The following CLMN variants were observed in gnomAD, a reference collection of about 807,000 sequenced individuals.
CLMN encodes the protein calmin, also known as calmin (calponin-like, transmembrane).
A neutral mutation model predicts 92.7 loss-of-function variants in CLMN; 57 were observed. The observed-to-expected ratio is 0.61, with a 90% CI of 0.50 to 0.77. The LOEUF (loss-of-function observed/expected upper bound fraction) is 0.77. Ranked by LOEUF, CLMN falls within the 30% of genes least tolerant of loss-of-function variation. The pLI, the probability that CLMN is intolerant of heterozygous loss-of-function variation, is 0.00. For synonymous variants in CLMN, 466 were observed against 470.6 expected, an observed-to-expected ratio of 0.99 and a Z score of 0.13; for missense variants, 1,158 against 1,237.5, an observed-to-expected ratio of 0.94 and a Z score of 0.96.
In CLMN at chr14:95,190,936, G is replaced by C. The variant is rs1896545337; in HGVS notation, c.*628C>G. 1 of 152,354 alleles carries C rather than the reference G, an allele frequency of 6.6e-6. No individual in the cohort carries two copies. Among genetic ancestry groups the C allele is most frequent in the Admixed American group, 6.5e-5 (1 of 15,304 alleles). 9.4% of individuals were successfully genotyped at this position (152,354 alleles called of 1,614,324 possible). ...ACAACAAAAAAAACAGGGTGAAAAA[G>C]AGCACACAGTGGCTCTCAACACAGC... On this transcript the variant is annotated 3_prime_UTR_variant, in exon 13 of 13. Transcript: ENST00000298912.
rs557333162 is a variant in CLMN at position 95,194,282 on chromosome 14, C to A, written c.2769+254G>T. 7.1e-7 allele frequency: 1 copy of A among 1,405,758 alleles called. No homozygotes were observed. Among genetic ancestry groups the A allele is most frequent in the African/African-American group, 1.4e-5 (1 of 69,202 alleles). The allele number at this position is 1,405,758 out of a possible 1,614,324, so 87.1% of individuals were successfully genotyped here. A position where few individuals can be genotyped will look rare whatever the true frequency, so the allele number is the denominator to read the frequency against. ...GGGTGCGCGCGGGGTCCAGGTGAGG[C>A]GTTTTGGGTGCGTTTTTATAGCAAG... On this transcript the variant is annotated intron_variant, in intron 11 of 12. Transcript: ENST00000298912. The surrounding 1 kb of genome is among the most constrained non-coding windows in gnomAD (Gnocchi z 4.0).
intron 1 of CLMN, among the ~76,000 whole-genome samples, chr14:95,314,506 G>C (rs990098795): frequency 2.6e-5 from 4 of 152,056 alleles, no homozygotes; most frequent in Non-Finnish European, 5.9e-5. Flanking sequence ...ACCTTCCCAG[G>C]GGTGGATTTG....
chr14:95,247,521 T>C (rs1382251532), intron 1 of CLMN, among the ~76,000 whole-genome samples: 1 of 152,240 alleles, frequency 6.6e-6, no homozygotes, highest in Non-Finnish European at 1.5e-5. Flanking sequence ...TTGGGCTTCC[T>C]CTTTGCTCTG....
intron 1 of CLMN, among the ~76,000 whole-genome samples, chr14:95,245,224 ATT>A (rs1491259438): frequency 2.8e-4 from 8 of 28,334 alleles, no homozygotes; most frequent in African/African-American, 8.0e-4. Context: ...ATATATATAT[ATT>A]ATATATATAT....
At chr14:95,211,402 C>T (rs549315458) in intron 6 of CLMN, among the ~76,000 whole-genome samples, 1 of 152,150 alleles carries the variant, frequency 6.6e-6, no homozygotes, top group Non-Finnish European at 1.5e-5. Context: ...ACCTAATATA[C>T]AACGTTGGGA....
At chr14:95,247,427 G>A (rs1299368914) in intron 1 of CLMN, among the ~76,000 whole-genome samples, 4 of 152,206 alleles carry the variant, frequency 2.6e-5, no homozygotes, top group Admixed American at 6.5e-5. Flanking sequence ...GTGCTGTGCC[G>A]CATGGTGCCA....
At chr14:95,249,837 C>T (rs1442752509) in intron 1 of CLMN, among the ~76,000 whole-genome samples, 1 of 152,136 alleles carries the variant, frequency 6.6e-6, no homozygotes, top group Non-Finnish European at 1.5e-5. Context: ...TCATGATCTG[C>T]CCACTCAGAA....
At chr14:95,303,691 T>C (rs1366016470) in intron 1 of CLMN, among the ~76,000 whole-genome samples, 1 of 152,156 alleles carries the variant, frequency 6.6e-6, no homozygotes, top group East Asian at 1.9e-4. Context: ...GGAATGAACA[T>C]AGCCAGCAGG....
At chr14:95,199,898 A>G (rs1896828402) in intron 9 of CLMN, among the ~76,000 whole-genome samples, 1 of 150,850 alleles carries the variant, frequency 6.6e-6, no homozygotes, top group South Asian at 2.1e-4. Context: ...AGGGAGACAA[A>G]GAGGGGTGGG....
intron 1 of CLMN, among the ~76,000 whole-genome samples, chr14:95,252,053 T>G (rs1186958562): frequency 6.6e-6 from 1 of 152,204 alleles, no homozygotes; most frequent in African/African-American, 2.4e-5. Flanking sequence ...CTTCCAGTCC[T>G]GCTGGGTCTG....
rs1896418115 is a variant in CLMN, at chr14:95,185,379, A to T, written c.*6185T>A. ...AGAGCCATAGCAATTTTCAGCACAG[A>T]AGCACAATAATGCCCACTCCAGCTC... is the stretch of plus-strand genomic sequence containing the variant. On this transcript the variant is annotated 3_prime_UTR_variant, in exon 13 of 13. Coordinates refer to ENST00000298912, the MANE Select transcript of CLMN (RefSeq NM_024734.4). 6.6e-6 allele frequency: 1 copy of T among 152,276 alleles called. No individual in the cohort carries two copies. Among genetic ancestry groups the T allele is most frequent in the South Asian group, 2.1e-4 (1 of 4,826 alleles). The allele number at this position is 152,276 out of a possible 1,614,324, so 9.4% of individuals were successfully genotyped here.
In CLMN at chr14:95,220,668, C is replaced by A. The variant is rs72710121; in HGVS notation, c.324+1023G>T. On this transcript the variant is annotated intron_variant, in intron 4 of 12. Coordinates refer to ENST00000298912, the MANE Select transcript of CLMN (RefSeq NM_024734.4). ...GGGGACTATTGGGAAGCAGAGCCTA[C>A]CCCTGTTCAGACAGTGAAAGTGCTT... is the stretch of plus-strand genomic sequence containing the variant. 5.6e-3 allele frequency among the ~76,000 whole-genome samples: 852 copies of A among 152,304 alleles called. 7 individuals carry two copies. Among genetic ancestry groups the A allele is most frequent in the South Asian group, 0.016 (79 of 4,820 alleles).
intron 1 of CLMN, among the ~76,000 whole-genome samples, chr14:95,289,030 C>T (rs924234460): frequency 2.0e-5 from 3 of 152,142 alleles, no homozygotes; most frequent in African/African-American, 4.8e-5. Flanking sequence ...TAGGGGTTAC[C>T]GCTGGAGGTA....
chr14:95,237,807 C>T (rs1322124081), intron 1 of CLMN, among the ~76,000 whole-genome samples: 1 of 152,172 alleles, frequency 6.6e-6, no homozygotes, highest in East Asian at 1.9e-4. Flanking sequence ...GCTTTACATG[C>T]ACTTGCTCAT....
Position 95,202,951 on chromosome 14 carries a change from G to C in CLMN, c.2398C>G (p.Leu800Val). Residue 800 changes from leucine to valine, a missense_variant, in exon 9 of 13, where the codon CTC (leucine) becomes GTC (valine). By Grantham distance (32) the Leu-to-Val change is conservative. Transcript: ENST00000298912. ...GTGGTACCCACACCACCCCTGCTGAGATACAGCACCTGGTCGCTGGCACTG... is the reference window on the plus strand; with the variant it reads ...GTGGTACCCACACCACCCCTGCTGACATACAGCACCTGGTCGCTGGCACTG... The part of the protein sequence containing the change: ...LPSASDQVLY[L>V]SRGGVGTTPA... 6.2e-7 allele frequency: 1 copy of C among 1,613,962 alleles called. No individual in the cohort carries two copies. The highest frequency in any genetic ancestry group is 8.5e-7 in the Non-Finnish European group (1 of 1,179,934).
intron 1 of CLMN, among the ~76,000 whole-genome samples, chr14:95,302,800 C>T (rs1289232676): frequency 6.6e-6 from 1 of 152,198 alleles, no homozygotes; most frequent in Admixed American, 6.5e-5. Flanking sequence ...TTGGCTAAAG[C>T]GCTGCAGCTG....
intron 1 of CLMN, among the ~76,000 whole-genome samples, chr14:95,231,834 T>A (rs1897898721): frequency 6.6e-6 from 1 of 151,960 alleles, no homozygotes; most frequent in African/African-American, 2.4e-5. Context: ...CAGTGATTTT[T>A]AAAAAAAAGT....
intron 1 of CLMN, among the ~76,000 whole-genome samples, chr14:95,304,891 T>C (rs1056297935): frequency 6.6e-6 from 1 of 151,910 alleles, no homozygotes; most frequent in Non-Finnish European, 1.5e-5. Flanking sequence ...CTAAAGATAC[T>C]GGCATGGGGG....
chr14:95,232,244 G>A (rs971584201), intron 1 of CLMN, among the ~76,000 whole-genome samples: 3 of 152,186 alleles, frequency 2.0e-5, no homozygotes, highest in Admixed American at 1.3e-4. Context: ...GAGCTGCCAC[G>A]CCTCCAGGAA....
Sources: allele counts gnomAD v4.1 joint callset (sites outside exome capture counted in the v4.1 genomes callset), GRCh38; gene constraint gnomAD v4.1.1; non-coding constraint Gnocchi (gnomAD v3.1); transcripts MANE v1.5; gene names NCBI Gene and HGNC (gene_info 2026-07-23, HGNC 2026-07-21).